The following MFAP2 variants were observed in gnomAD, a reference collection of about 807,000 sequenced individuals.
The protein encoded by MFAP2 is microfibril associated protein 2.
Under a neutral mutation model 30.6 loss-of-function variants are expected in MFAP2, and 23 were observed. That is an observed-to-expected ratio of 0.75 (90% CI 0.54 to 1.07). MFAP2 has a LOEUF of 1.07. MFAP2 is among the 50% of genes least tolerant of loss of function. The probability of loss-of-function intolerance (pLI) is 0.00; values close to 1 mark genes in which losing one functional copy is unlikely to be tolerated. For missense variants in MFAP2, 198 were observed against 223.8 expected (o/e 0.88, Z 0.74); for synonymous variants, 73 against 85.7 (o/e 0.85, Z 0.82).
chr1:16,979,430 G>C (rs1330999581), intron 1 of MFAP2, among the ~76,000 whole-genome samples: 2 of 152,198 alleles, frequency 1.3e-5, no homozygotes, highest in African/African-American at 4.8e-5. Context: ...GGGAGGGAAA[G>C]GGGAGAAAGC....
rs28623134 is a variant in MFAP2, at chr1:16,975,445, G to A, written c.375-103C>T. The stretch of plus-strand genomic sequence containing the variant: ...CGGGAGCCCGGACAGAACCTGGCAC[G>A]GGAGCCCGGACAGAACCTGGCACTG... On this transcript the variant is annotated intron_variant, in intron 7 of 8. Coordinates refer to ENST00000375535, the MANE Select transcript of MFAP2 (RefSeq NM_002403.4). This position sits in a 1 kb window ranked among gnomAD's most constrained non-coding sequence, Gnocchi z 5.0. The A allele has an allele frequency of 3.9e-6, 3 of 763,180 alleles. No homozygotes were observed. Among genetic ancestry groups the A allele is most frequent in the Non-Finnish European group, 5.3e-6 (3 of 563,116 alleles). The allele number at this position is 763,180 out of a possible 1,614,324, so 47.3% of individuals were successfully genotyped here.
intron 2 of MFAP2, chr1:16,977,993 G>A (rs1050438332): frequency 2.1e-4 from 97 of 468,086 alleles, no homozygotes; most frequent in Middle Eastern, 5.9e-4. Flanking sequence ...TGCCTGGGAC[G>A]TGCCCTCCAG....
chr1:16,976,834 C>G lies in MFAP2; in HGVS notation c.155-40G>C, dbSNP rs2076596278. 1 of 1,613,944 alleles carries G rather than the reference C, an allele frequency of 6.2e-7. No homozygotes were observed. Among genetic ancestry groups the G allele is most frequent in the Admixed American group, 1.7e-5 (1 of 59,992 alleles). ...GGATAAGGGGGTCTGCTCCCTCTAC[C>G]CCTCCCAGGGGGTCTCCCCACCCCA... On this transcript the variant is annotated intron_variant, in intron 4 of 8. Coordinates refer to ENST00000375535, the MANE Select transcript of MFAP2 (RefSeq NM_002403.4). This position sits in a 1 kb window ranked among gnomAD's most constrained non-coding sequence, Gnocchi z 5.5.
At chr1:16,978,354 AC>A in intron 1 of MFAP2, 40 bp from the exon 2 acceptor site, 1 of 1,487,742 alleles carries the variant, frequency 6.7e-7, no homozygotes, top group South Asian at 1.2e-5. Flanking sequence ...CCAGGGCCAC[AC>A]CCAGGACAGC....
chr1:16,976,961 G>A lies in MFAP2; in HGVS notation c.128-38C>T, dbSNP rs778282871. On this transcript the variant is annotated intron_variant, in intron 3 of 8. Transcript: ENST00000375535. This position sits in a 1 kb window ranked among gnomAD's most constrained non-coding sequence, Gnocchi z 5.5. ...ATGAAAGTGGAATTGGTGGGAGTAA[G>A]GCTAATCCCCCAGCCCCTGGGGCAA... 6.2e-7 allele frequency: 1 copy of A among 1,614,078 alleles called. No homozygotes were observed. Among genetic ancestry groups the A allele is most frequent in the South Asian group, 1.1e-5 (1 of 91,090 alleles).
rs771582095 is a variant in MFAP2, at chr1:16,976,970, C to T, written c.128-47G>A. On this transcript the variant is annotated intron_variant, in intron 3 of 8. Coordinates refer to ENST00000375535, the MANE Select transcript of MFAP2 (RefSeq NM_002403.4). This position sits in a 1 kb window ranked among gnomAD's most constrained non-coding sequence, Gnocchi z 5.5. ...GAATTGGTGGGAGTAAGGCTAATCC[C>T]CCAGCCCCTGGGGCAAACAAGTTCC... The T allele has an allele frequency of 1.2e-6, 2 of 1,613,922 alleles. No homozygotes were observed. The highest frequency in any genetic ancestry group is 3.3e-5 in the Admixed American group (2 of 60,006).
At chr1:16,979,101 CT>C (rs1344536661) in intron 1 of MFAP2, 1 of 152,338 alleles carries the variant, frequency 6.6e-6, no homozygotes, top group Non-Finnish European at 1.5e-5. Flanking sequence ...TCTGCACCCC[CT>C]GACACTGTAG....
intron 2 of MFAP2, 136 bp from the exon 3 acceptor site, chr1:16,977,334 G>A (rs889347284): frequency 7.8e-6 from 6 of 766,986 alleles, no homozygotes; most frequent in Non-Finnish European, 1.0e-5. Context: ...ATTCCTAGAG[G>A]ATCCAGACTC....
Position 16,975,456 on chromosome 1 carries a change from CAG to C in MFAP2, c.375-116_375-115del. 1.1e-6 allele frequency: 1 copy of C among 932,530 alleles called. No homozygotes were observed. Among genetic ancestry groups the C allele is most frequent in the South Asian group, 1.5e-5 (1 of 65,868 alleles). The allele number at this position is 932,530 out of a possible 1,614,324, so 57.8% of individuals were successfully genotyped here. ...ACAGAACCTGGCACGGGAGCCCGGACAGAACCTGGCACTGGAGCCCAGGAGTG... is the reference window on the plus strand; with the variant it reads ...ACAGAACCTGGCACGGGAGCCCGGACAACCTGGCACTGGAGCCCAGGAGTG... On this transcript the variant is annotated intron_variant, in intron 7 of 8. Coordinates refer to ENST00000375535, the MANE Select transcript of MFAP2 (RefSeq NM_002403.4). The surrounding 1 kb of genome is among the most constrained non-coding windows in gnomAD (Gnocchi z 5.0).
At chr1:16,979,483 A>AC (rs2076619648) in intron 1 of MFAP2, among the ~76,000 whole-genome samples, 1 of 151,958 alleles carries the variant, frequency 6.6e-6, no homozygotes, top group African/African-American at 2.4e-5. Context: ...AGGCCTCCTG[A>AC]CCCCCTGGCT....
In MFAP2 at chr1:16,975,309, G is replaced by C. The variant is rs1292446531; in HGVS notation, c.408C>G (p.Ile136Met). ...CATGGGCACACACTGTACGAACACAGATCTCCTTGTTAATGACGTACACAC... is the reference window on the plus strand; with the variant it reads ...CATGGGCACACACTGTACGAACACACATCTCCTTGTTAATGACGTACACAC... Reference protein sequence around the residue: ...LRRVYVINKEICVRTVCAHEE... With the variant: ...LRRVYVINKEMCVRTVCAHEE... Residue 136 changes from isoleucine (I) to methionine (M), a missense_variant, in exon 8 of 9, where the codon ATC becomes ATG. Physicochemically the swap from Ile to Met is conservative, Grantham distance 10. Transcript: ENST00000375535. The surrounding 1 kb of genome is among the most constrained non-coding windows in gnomAD (Gnocchi z 5.0). 6.2e-7 allele frequency: 1 copy of C among 1,614,030 alleles called. No homozygotes were observed. Among genetic ancestry groups the C allele is most frequent in the South Asian group, 1.1e-5 (1 of 91,084 alleles).
Position 16,976,818 on chromosome 1 carries a change from G to T in MFAP2, c.155-24C>A. The T allele has an allele frequency of 6.2e-7, 1 of 1,613,986 alleles. No homozygotes were observed. Among genetic ancestry groups the T allele is most frequent in the Non-Finnish European group, 8.5e-7 (1 of 1,179,940 alleles). The stretch of plus-strand genomic sequence containing the variant: ...CTCTGCAGCCAGGGGAGGATAAGGG[G>T]GTCTGCTCCCTCTACCCCTCCCAGG... On this transcript the variant is annotated intron_variant, in intron 4 of 8. Coordinates refer to ENST00000375535, the MANE Select transcript of MFAP2 (RefSeq NM_002403.4). The surrounding 1 kb of genome is among the most constrained non-coding windows in gnomAD (Gnocchi z 5.5).
rs531996341 is a variant in MFAP2 at position 16,976,055 on chromosome 1, C to T, written c.287-325G>A. 1.5e-3 allele frequency: 681 copies of T among 467,888 alleles called. 1 individual carries two copies. The highest frequency in any genetic ancestry group is 2.1e-3 in the Admixed American group (55 of 26,712). The allele number at this position is 467,888 out of a possible 1,614,324, so 29.0% of individuals were successfully genotyped here. ...TCACAGAAGCCCACATAGGAGCGCTCACACCAACCCACACGAGAGTGAGCA... is the reference window on the plus strand; with the variant it reads ...TCACAGAAGCCCACATAGGAGCGCTTACACCAACCCACACGAGAGTGAGCA... On this transcript the variant is annotated intron_variant, in intron 6 of 8. Coordinates refer to ENST00000375535, the MANE Select transcript of MFAP2 (RefSeq NM_002403.4). This position sits in a 1 kb window ranked among gnomAD's most constrained non-coding sequence, Gnocchi z 5.5.
intron 3 of MFAP2, 79 bp downstream of exon 3, chr1:16,977,029 AT>A: frequency 6.2e-7 from 1 of 1,612,452 alleles, no homozygotes; most frequent in Non-Finnish European, 8.5e-7. Context: ...CAGAGTTCCC[AT>A]CAGCGTGTCC....
rs776664741 is a variant in MFAP2, at chr1:16,975,695, A to G, written c.322T>C (p.Tyr108His). ...TGTTTGCAAGGCCTGTGTATGGAGT[A>G]GAGGCGGGTGCACGGGTACTGTTCC... ...REEQYPCTRL[Y>H]SIHRPCKQCL... is the part of the protein sequence containing the mutation. Residue 108 changes from tyrosine to histidine, a missense_variant, in exon 7 of 9, where the codon TAC becomes CAC. Transcript: ENST00000375535. This position sits in a 1 kb window ranked among gnomAD's most constrained non-coding sequence, Gnocchi z 5.0. The G allele has an allele frequency of 6.2e-7, 1 of 1,613,868 alleles. No individual in the cohort carries two copies. The highest frequency in any genetic ancestry group is 1.7e-5 in the Admixed American group (1 of 59,974).
chr1:16,978,090 T>C (rs1393815902), intron 2 of MFAP2, 147 bp downstream of exon 2: 5 of 839,766 alleles, frequency 6.0e-6, no homozygotes, highest in Non-Finnish European at 9.2e-6. Context: ...GTCCAGTCTG[T>C]GGTCCAAGCA....
rs2235932 is a variant in MFAP2, at chr1:16,977,094, C to T, written c.127+15G>A. On this transcript the variant is annotated intron_variant, in intron 3 of 8. Coordinates refer to ENST00000375535, the MANE Select transcript of MFAP2 (RefSeq NM_002403.4). ...TCTGAGCAGCCAGGCCTCGGTGACCCGGCAAGGCCCTTACCGATCTGGTCG... is the reference window on the plus strand; with the variant it reads ...TCTGAGCAGCCAGGCCTCGGTGACCTGGCAAGGCCCTTACCGATCTGGTCG... 908,946 of 1,613,088 alleles carry T rather than the reference C, an allele frequency of 0.56. 263,794 individuals are homozygous for T. Among genetic ancestry groups the T allele is most frequent in the Non-Finnish European group, 0.6 (713,186 of 1,179,630 alleles).
At position 16,976,648 on chromosome 1, in the gene MFAP2, A is replaced by G. The variant is rs930792998; in HGVS notation, c.241+60T>C. 9.9e-6 allele frequency: 16 copies of G among 1,609,234 alleles called. No individual in the cohort carries two copies. The highest frequency in any genetic ancestry group is 1.6e-4 in the Middle Eastern group (1 of 6,062). ...TGGCAGACCCCCACTCCCAGGGTTG[A>G]CAGGGTGGGGAGGGGTGAGGCAGGA... On this transcript the variant is annotated intron_variant, in intron 5 of 8. Transcript: ENST00000375535. The surrounding 1 kb of genome is among the most constrained non-coding windows in gnomAD (Gnocchi z 5.5).
At position 16,976,969 on chromosome 1, in the gene MFAP2, C is replaced by T. The variant is rs1433171226; in HGVS notation, c.128-46G>A. The stretch of plus-strand genomic sequence containing the variant: ...GGAATTGGTGGGAGTAAGGCTAATC[C>T]CCCAGCCCCTGGGGCAAACAAGTTC... On this transcript the variant is annotated intron_variant, in intron 3 of 8. Transcript: ENST00000375535. This position sits in a 1 kb window ranked among gnomAD's most constrained non-coding sequence, Gnocchi z 5.5. The T allele has an allele frequency of 9.3e-6, 15 of 1,613,822 alleles. No individual in the cohort carries two copies. Among genetic ancestry groups the T allele is most frequent in the Non-Finnish European group, 1.1e-5 (13 of 1,179,930 alleles).
Sources: allele counts gnomAD v4.1 joint callset (sites outside exome capture counted in the v4.1 genomes callset), GRCh38; gene constraint gnomAD v4.1.1; non-coding constraint Gnocchi (gnomAD v3.1); transcripts MANE v1.5; gene names NCBI Gene and HGNC (gene_info 2026-07-23, HGNC 2026-07-21).